Variants in CDH4 observed in about 807,000 individuals in gnomAD.
CDH4 encodes cadherin 4, also known as cadherin-4.
A neutral mutation model predicts 86.0 loss-of-function variants in CDH4; 33 were observed. The ratio of observed to expected loss-of-function variants is 0.38; its 90% CI spans 0.29 to 0.51. The LOEUF (loss-of-function observed/expected upper bound fraction) is 0.51. Among genes scored for constraint, CDH4 ranks in the 20% least tolerant of loss-of-function variants. The pLI is 0.86. For synonymous variants in CDH4, 555 were observed against 549.4 expected (o/e 1.01, Z -0.14); for missense variants, 1,114 against 1,307.4 (o/e 0.85, Z 2.28).
chr20:61,481,268 G>A (rs949944649), intron 2 of CDH4, among the ~76,000 whole-genome samples: 4 of 152,194 alleles, frequency 2.6e-5, no homozygotes, highest in African/African-American at 7.2e-5. Context: ...GGCCAGGGAC[G>A]CTGGTGAACG....
At chr20:61,461,290 A>G (rs1380317398) in intron 2 of CDH4, among the ~76,000 whole-genome samples, 1 of 152,180 alleles carries the variant, frequency 6.6e-6, no homozygotes, top group Non-Finnish European at 1.5e-5. Context: ...CTGCAATTAA[A>G]AAGGGTATTA....
chr20:61,490,467 G>A (rs1417036794), intron 2 of CDH4, among the ~76,000 whole-genome samples: 3 of 152,178 alleles, frequency 2.0e-5, no homozygotes, highest in Non-Finnish European at 2.9e-5. Context: ...TTGGGAGGCC[G>A]AGGCAGGTGG....
intron 2 of CDH4, among the ~76,000 whole-genome samples, chr20:61,263,496 A>G (rs1005044645): frequency 6.6e-6 from 1 of 152,190 alleles, no homozygotes; most frequent in African/African-American, 2.4e-5. Flanking sequence ...GTGTCTTCTC[A>G]TTTAACGCTG....
At chr20:61,746,994 C>A (rs1471042171) in intron 3 of CDH4, among the ~76,000 whole-genome samples, 1 of 152,230 alleles carries the variant, frequency 6.6e-6, no homozygotes, top group Non-Finnish European at 1.5e-5. Context: ...CTGCCAGAAG[C>A]AACTGTGCAT....
chr20:61,931,190 A>T (rs2055104442), intron 13 of CDH4, among the ~76,000 whole-genome samples: 1 of 152,208 alleles, frequency 6.6e-6, no homozygotes, highest in African/African-American at 2.4e-5. Flanking sequence ...GTGAGAGTGG[A>T]GCTGACCTCT....
intron 2 of CDH4, among the ~76,000 whole-genome samples, chr20:61,429,102 C>A (rs76101502): frequency 1.3e-5 from 2 of 152,100 alleles, no homozygotes; most frequent in African/African-American, 2.4e-5. Flanking sequence ...TTACCTATGA[C>A]GGTAAGCTTA....
rs1322101742 is a variant in CDH4 at position 61,517,211 on chromosome 20, G to C, written c.170-226352G>C. Reference sequence around the variant, plus strand: ...TAAATGGAATCCCTTTTTGTTTTTAGAAATGAGATCTCACTCTGTTGCCCA... The same window carrying C: ...TAAATGGAATCCCTTTTTGTTTTTACAAATGAGATCTCACTCTGTTGCCCA... On this transcript the variant is annotated intron_variant, in intron 2 of 15. Coordinates refer to ENST00000614565, the MANE Select transcript of CDH4 (RefSeq NM_001794.5). This position sits in a 1 kb window ranked among gnomAD's most constrained non-coding sequence, Gnocchi z 6.6. 1.3e-5 allele frequency among the ~76,000 whole-genome samples: 2 copies of C among 152,024 alleles called. No homozygotes were observed. Among genetic ancestry groups the C allele is most frequent in the African/African-American group, 4.8e-5 (2 of 41,408 alleles).
intron 9 of CDH4, among the ~76,000 whole-genome samples, chr20:61,919,891 T>C (rs2054948777): frequency 7.3e-6 from 1 of 137,752 alleles, no homozygotes; most frequent in Non-Finnish European, 1.5e-5. Context: ...CTTGTGATTG[T>C]GTGGAAGCAT....
Position 61,582,783 on chromosome 20 carries a change from G to A in CDH4, c.170-160780G>A, listed in dbSNP as rs2086439172. 1.3e-5 allele frequency among the ~76,000 whole-genome samples: 2 copies of A among 151,974 alleles called. No individual in the cohort carries two copies. Among genetic ancestry groups the A allele is most frequent in the South Asian group, 4.2e-4 (2 of 4,816 alleles). On this transcript the variant is annotated intron_variant, in intron 2 of 15. Coordinates refer to ENST00000614565, the MANE Select transcript of CDH4 (RefSeq NM_001794.5). The surrounding 1 kb of genome is among the most constrained non-coding windows in gnomAD (Gnocchi z 4.2). ...TCGTTTCTTTAACAGTTTTATTAAG[G>A]TGTAATTTACATGCCCTACACTCCA...
At chr20:61,656,716 C>T (rs767866355) in intron 2 of CDH4, among the ~76,000 whole-genome samples, 4 of 152,230 alleles carry the variant, frequency 2.6e-5, no homozygotes, top group Non-Finnish European at 5.9e-5. Flanking sequence ...CAGAAAATCT[C>T]TCCTCCCAGG....
chr20:61,904,118 G>A (rs1159758075), intron 8 of CDH4, among the ~76,000 whole-genome samples: 2 of 152,220 alleles, frequency 1.3e-5, no homozygotes, highest in South Asian at 2.1e-4. Flanking sequence ...CTGAGAGTAT[G>A]GGCTGCAGGG....
chr20:61,545,384 G>A lies in CDH4; in HGVS notation c.170-198179G>A, dbSNP rs138445350. On this transcript the variant is annotated intron_variant, in intron 2 of 15. Coordinates refer to ENST00000614565, the MANE Select transcript of CDH4 (RefSeq NM_001794.5). The stretch of plus-strand genomic sequence containing the variant: ...GGGCTGGAACTTTGGCCAGCCTGTC[G>A]GAGTGAAGGATGCTTTTCCTTCAGG... Among the ~76,000 whole-genome samples, 1,066 of 152,338 alleles carry A rather than the reference G, an allele frequency of 7.0e-3. 9 individuals carry two copies. The highest frequency in any genetic ancestry group is 0.011 in the Non-Finnish European group (755 of 68,024).
chr20:61,488,846 C>T (rs935208782), intron 2 of CDH4, among the ~76,000 whole-genome samples: 8 of 152,198 alleles, frequency 5.3e-5, no homozygotes, highest in African/African-American at 9.6e-5. Context: ...TTGCCATTCA[C>T]AGTATGTCCT....
intron 2 of CDH4, among the ~76,000 whole-genome samples, chr20:61,272,088 C>A (rs1413675889): frequency 1.3e-5 from 2 of 152,166 alleles, no homozygotes; most frequent in Admixed American, 1.3e-4. Context: ...ACAAAAGAAG[C>A]CCCAAGAAGA....
At chr20:61,327,063 G>T (rs1415014940) in intron 2 of CDH4, among the ~76,000 whole-genome samples, 1 of 152,164 alleles carries the variant, frequency 6.6e-6, no homozygotes, top group East Asian at 1.9e-4. Context: ...GAGCCATTCT[G>T]CAGCAAAGGA....
Position 61,928,386 on chromosome 20 carries a change from G to C in CDH4, c.1968G>C (p.Ala656=), listed in dbSNP as rs139071575. The change falls in exon 12 of 16, where the codon GCG becomes GCC. Residue 656 remains alanine (A), a synonymous_variant. Coordinates refer to ENST00000614565, the MANE Select transcript of CDH4 (RefSeq NM_001794.5). ...PYVFELPFVP[A]AVRKNWTITR... ...TCTTCGAGCTGCCCTTTGTCCCGGC[G>C]GCCGTGCGGAAGAACTGGACCATCA... 2 of 1,611,750 alleles carry C rather than the reference G, an allele frequency of 1.2e-6. No homozygotes were observed. The highest frequency in any genetic ancestry group is 2.7e-5 in the African/African-American group (2 of 74,932).
chr20:61,330,773 A>G (rs2084568538), intron 2 of CDH4, among the ~76,000 whole-genome samples: 1 of 152,182 alleles, frequency 6.6e-6, no homozygotes, highest in East Asian at 1.9e-4. Flanking sequence ...GAGCATTATC[A>G]AAGTTGCACG....
At chr20:61,355,231 A>G (rs530050610) in intron 2 of CDH4, among the ~76,000 whole-genome samples, 1 of 152,348 alleles carries the variant, frequency 6.6e-6, no homozygotes, top group Admixed American at 6.5e-5. Context: ...AAAAGCTCTG[A>G]GTCAAGGGGG....
chr20:61,865,093 C>T (rs1284407368), intron 6 of CDH4, among the ~76,000 whole-genome samples: 1 of 152,156 alleles, frequency 6.6e-6, no homozygotes, highest in Non-Finnish European at 1.5e-5. Context: ...TGGCCTCTCC[C>T]TGTGCTCCCA....
Sources: allele counts gnomAD v4.1 joint callset (sites outside exome capture counted in the v4.1 genomes callset), GRCh38; gene constraint gnomAD v4.1.1; non-coding constraint Gnocchi (gnomAD v3.1); transcripts MANE v1.5; gene names NCBI Gene and HGNC (gene_info 2026-07-23, HGNC 2026-07-21).